The following MYO10 variants were observed in gnomAD, a reference collection of about 807,000 sequenced individuals.
MYO10 encodes unconventional myosin-X.
MYO10 carries 133 observed loss-of-function variants against 257.3 expected under a neutral mutation model. The ratio of observed to expected loss-of-function variants is 0.52; its 90% confidence interval spans 0.45 to 0.60. The LOEUF (loss-of-function observed/expected upper bound fraction) is 0.60. MYO10 is among the 20% of genes least tolerant of loss of function. The pLI, the probability that MYO10 is intolerant of heterozygous loss-of-function variation, is 0.00. For missense variants in MYO10, 2,399 were observed against 2,635.7 expected (o/e 0.91, Z 1.97); for synonymous variants, 1,104 against 1,028.6 (o/e 1.07, Z -1.40).
chr5:16,869,926 AGGGGGAGGGGGAG>A (rs1744403284), intron 2 of MYO10, among the ~76,000 whole-genome samples: 1 of 50,094 alleles, frequency 2.0e-5, no homozygotes, highest in Non-Finnish European at 3.8e-5. Context: ...GGGAAGGGGA[AGGGGGAGGGGGAG>A]GGGGAGGGGA....
At chr5:16,771,134 A>C (rs983032763) in intron 9 of MYO10, among the ~76,000 whole-genome samples, 1 of 152,188 alleles carries the variant, frequency 6.6e-6, no homozygotes, top group African/African-American at 2.4e-5. Context: ...ATGGAGAGGG[A>C]AAGAATTAAA....
chr5:16,736,182 A>T (rs949219896), intron 19 of MYO10, among the ~76,000 whole-genome samples: 1 of 152,212 alleles, frequency 6.6e-6, no homozygotes, highest in African/African-American at 2.4e-5. Flanking sequence ...ACAGGCTGGA[A>T]CAAGAAGAAT....
At chr5:16,727,316 G>A (rs1274704136) in intron 19 of MYO10, among the ~76,000 whole-genome samples, 3 of 152,120 alleles carry the variant, frequency 2.0e-5, no homozygotes, top group Non-Finnish European at 4.4e-5. Flanking sequence ...ATAAGGACTT[G>A]GAGAGTAAAA....
chr5:16,698,792 T>A (rs922182992), intron 26 of MYO10, among the ~76,000 whole-genome samples: 1 of 149,882 alleles, frequency 6.7e-6, no homozygotes, highest in Admixed American at 6.6e-5. Flanking sequence ...CCCGGCTAAT[T>A]TTTTGTATTT....
At position 16,851,849 on chromosome 5, in the gene MYO10, G is replaced by A. The variant is rs549221352; in HGVS notation, c.120+25760C>T. Among the ~76,000 whole-genome samples, 99 of 152,100 alleles carry A rather than the reference G, an allele frequency of 6.5e-4. 1 individual carries two copies. Among genetic ancestry groups the A allele is most frequent in the Admixed American group, 1.6e-3 (25 of 15,278 alleles). On this transcript the variant is annotated intron_variant, in intron 2 of 40. Coordinates refer to ENST00000513610, the MANE Select transcript of MYO10 (RefSeq NM_012334.3). ...GGGCAGATCACGAGGTCAGGAGTTA[G>A]AGACCAGCCTGGCCAACATGATGAA...
At chr5:16,809,599 C>A (rs1458923767) in intron 3 of MYO10, among the ~76,000 whole-genome samples, 1 of 152,226 alleles carries the variant, frequency 6.6e-6, no homozygotes, top group African/African-American at 2.4e-5. Context: ...CAGATGCAGG[C>A]TTCAAAGTTA....
At chr5:16,819,699 T>C (rs1310225591) in intron 2 of MYO10, among the ~76,000 whole-genome samples, 1 of 152,240 alleles carries the variant, frequency 6.6e-6, no homozygotes, top group Non-Finnish European at 1.5e-5. Flanking sequence ...TATTTTTAGA[T>C]ACTGACTGGC....
intron 9 of MYO10, among the ~76,000 whole-genome samples, chr5:16,770,917 C>T (rs536894891): frequency 3.3e-5 from 5 of 152,246 alleles, no homozygotes; most frequent in South Asian, 4.1e-4. Flanking sequence ...TACAGGCATG[C>T]GCCACCACGC....
chr5:16,745,938 A>G (rs1242031858), intron 19 of MYO10, among the ~76,000 whole-genome samples: 1 of 152,208 alleles, frequency 6.6e-6, no homozygotes, highest in Non-Finnish European at 1.5e-5. Context: ...GTCCCCGTCC[A>G]GACCCCAAGA....
In MYO10 at chr5:16,777,839, C is replaced by CCTTTTTTTTT. The variant is rs1560979466; in HGVS notation, c.930+1705_930+1706insAAAAAAAAAG. Among the ~76,000 whole-genome samples, 11 of 88,478 alleles carry CCTTTTTTTTT rather than the reference C, an allele frequency of 1.2e-4. 1 individual carries two copies. Among genetic ancestry groups the CCTTTTTTTTT allele is most frequent in the African/African-American group, 3.2e-4 (6 of 18,652 alleles). 58.0% of individuals were successfully genotyped at this position (88,478 alleles called of 152,430 possible). On this transcript the variant is annotated intron_variant, in intron 9 of 40. Transcript: ENST00000513610. ...GCCACCCTAGGTGCATTGCATCTAACTTTTTTTTTTTTTTTTTTTTTTTTT... is the reference window on the plus strand; with the variant it reads ...GCCACCCTAGGTGCATTGCATCTAACCTTTTTTTTTTTTTTTTTTTTTTTTTTTTTTTTTT...
chr5:16,816,175 C>T (rs1742601293), intron 3 of MYO10, among the ~76,000 whole-genome samples: 1 of 151,670 alleles, frequency 6.6e-6, no homozygotes, highest in Non-Finnish European at 1.5e-5. Flanking sequence ...CTTGTCTCTA[C>T]TGAAAATACA....
intron 19 of MYO10, chr5:16,742,215 CA>C (rs1740041798): frequency 4.1e-6 from 4 of 985,232 alleles, no homozygotes; most frequent in Non-Finnish European, 4.8e-6. Context: ...AGAACAAGAA[CA>C]GCACTCTTTG....
rs144295180 is a variant in MYO10, at chr5:16,783,492, T to C, written c.468-23A>G. ...CCACTGAAAGACAAAACGGAAAAGT[T>C]TGTGCTTCTAACTATAATTTTTAAA... On this transcript the variant is annotated intron_variant, in intron 4 of 40. Transcript: ENST00000513610. 97 of 1,602,370 alleles carry C rather than the reference T, an allele frequency of 6.1e-5. 1 individual carries two copies. The African/African-American group carries it at 1.2e-3, about 20-fold the overall frequency.
intron 39 of MYO10, among the ~76,000 whole-genome samples, chr5:16,670,179 T>C (rs1736376149): frequency 6.6e-6 from 1 of 152,230 alleles, no homozygotes; most frequent in Non-Finnish European, 1.5e-5. Flanking sequence ...AATGCAAGTA[T>C]ATCCAAAGTT....
chr5:16,727,015 G>A (rs1739393708), intron 19 of MYO10, among the ~76,000 whole-genome samples: 1 of 152,166 alleles, frequency 6.6e-6, no homozygotes, highest in Admixed American at 6.5e-5. Flanking sequence ...CAAACAGGGT[G>A]CTCAACTGGT....
chr5:16,830,216 A>G (rs1743123941), intron 2 of MYO10, among the ~76,000 whole-genome samples: 2 of 151,952 alleles, frequency 1.3e-5, no homozygotes, highest in Admixed American at 1.3e-4. Flanking sequence ...AGCCTGGGCG[A>G]CAGAGGGAGA....
At chr5:16,890,437 T>G (rs1390381491) in intron 1 of MYO10, among the ~76,000 whole-genome samples, 1 of 151,834 alleles carries the variant, frequency 6.6e-6, no homozygotes, top group Non-Finnish European at 1.5e-5. Context: ...TGTACACAAA[T>G]GTTCATAGCA....
chr5:16,794,049 C>T (rs1413161209), intron 4 of MYO10, among the ~76,000 whole-genome samples: 2 of 151,882 alleles, frequency 1.3e-5, no homozygotes, highest in Admixed American at 6.6e-5. Context: ...CTAAAATAGA[C>T]ATGCCAAGTG....
At chr5:16,793,041 C>G (rs1002054670) in intron 4 of MYO10, among the ~76,000 whole-genome samples, 2 of 152,182 alleles carry the variant, frequency 1.3e-5, no homozygotes, top group African/African-American at 4.8e-5. Context: ...TCGGAATCTT[C>G]GTTCACACTG....
Sources: gnomAD v4.1 joint callset for allele counts (sites outside exome capture counted in the v4.1 genomes callset) on GRCh38, gnomAD v4.1.1 for gene constraint, MANE v1.5 for transcripts, NCBI Gene and HGNC (gene_info 2026-07-23, HGNC 2026-07-21) for gene names.